RSPH10B: variants seen among roughly 807,000 people sequenced by gnomAD.
The protein encoded by RSPH10B is radial spoke head 10 homolog B (Chlamydomonas).
Under a neutral mutation model 52.5 loss-of-function variants are expected in RSPH10B, and 7 were observed. The observed-to-expected ratio is 0.13, with a 90% CI of 0.08 to 0.25. The LOEUF (loss-of-function observed/expected upper bound fraction) is 0.25. Among genes scored for constraint, RSPH10B ranks in the 10% least tolerant of loss-of-function variants. RSPH10B has a pLI of 1.00. For synonymous variants in RSPH10B, 28 were observed against 193.2 expected (o/e 0.14, Z 7.09); for missense variants, 89 against 542.5 (o/e 0.16, Z 8.30).
In RSPH10B at chr7:5,933,661, G is replaced by C. The variant is rs570531282; in HGVS notation, c.2140-786C>G. On this transcript the variant is annotated intron_variant, in intron 16 of 18. Coordinates refer to ENST00000337579, the Ensembl canonical transcript of RSPH10B. ...TGTAGTCCTAGCTACTCAGGAGGCT[G>C]AGGCAGGAGAATGGCGTGAACCCGG... 9.1e-4 allele frequency among the ~76,000 whole-genome samples: 123 copies of C among 134,514 alleles called. 1 individual carries two copies. The highest frequency in any genetic ancestry group is 1.6e-3 in the Admixed American group (22 of 13,366). The allele number at this position is 134,514 out of a possible 152,430, so 88.2% of individuals were successfully genotyped here. A position where few individuals can be genotyped will look rare whatever the true frequency, so the allele number is the denominator to read the frequency against.
At chr7:5,928,260 C>T (rs775984129) in exon 18 of RSPH10B, 1 of 1,613,308 alleles carries the variant, frequency 6.2e-7, no homozygotes, top group Non-Finnish European at 8.5e-7. Flanking sequence ...CGTAACCTGT[C>T]TGCCCTTATT....
rs1012996637 is a variant in RSPH10B at position 5,927,940 on chromosome 7, A to C, written c.2432+256T>G. The C allele has an allele frequency of 3.1e-4, 248 of 792,742 alleles. 1 individual carries two copies. The highest frequency in any genetic ancestry group is 4.5e-4 in the Non-Finnish European group (229 of 511,860). The allele number at this position is 792,742 out of a possible 1,614,324, so 49.1% of individuals were successfully genotyped here. On this transcript the variant is annotated intron_variant, in intron 18 of 18. Coordinates refer to ENST00000337579, the Ensembl canonical transcript of RSPH10B. ...GACAGTGAGACCCTGTCTAAAAACAAAAAATAAAACTAGAAACTAAGACCA... is the reference window on the plus strand; with the variant it reads ...GACAGTGAGACCCTGTCTAAAAACACAAAATAAAACTAGAAACTAAGACCA...
At chr7:5,937,654 C>T (rs1779992811) in intron 15 of RSPH10B, 104 bp downstream of exon 17, 1 of 848,036 alleles carries the variant, frequency 1.2e-6, no homozygotes, top group Non-Finnish European at 1.9e-6. Flanking sequence ...GATCCGCCCG[C>T]CTCGGCTTCC....
intron 17 of RSPH10B, among the ~76,000 whole-genome samples, chr7:5,931,928 G>A (rs1395632488): frequency 3.3e-5 from 5 of 151,394 alleles, no homozygotes; most frequent in Non-Finnish European, 7.4e-5. Flanking sequence ...GGCAGAGGTT[G>A]CAGTGAGCTA....
intron 11 of RSPH10B, among the ~76,000 whole-genome samples, chr7:5,944,482 T>C (rs1780387217): frequency 6.7e-6 from 1 of 149,828 alleles, no homozygotes; most frequent in Non-Finnish European, 1.5e-5. Context: ...AATTCTGACA[T>C]AAGAAAGAAG....
At chr7:5,965,919 T>C (rs1422818427) in intron 1 of RSPH10B, among the ~76,000 whole-genome samples, 6 of 119,022 alleles carry the variant, frequency 5.0e-5, no homozygotes, top group Non-Finnish European at 1.1e-4. Context: ...CGGGGTTTTT[T>C]TGTTTGTTTT....
chr7:5,938,350 G>A (rs1325507254), intron 14 of RSPH10B, among the ~76,000 whole-genome samples: 3 of 118,624 alleles, frequency 2.5e-5, no homozygotes, highest in South Asian at 4.8e-4. Context: ...GGTGGATCAC[G>A]AGGTCAGGAG....
At chr7:5,927,021 ACG>A (rs1491242768) in intron 18 of RSPH10B, among the ~76,000 whole-genome samples, 2 of 68,878 alleles carry the variant, frequency 2.9e-5, no homozygotes, top group African/African-American at 1.3e-4. Flanking sequence ...TCCCAAAGTT[ACG>A]TGTGTGTGTG....
chr7:5,927,091 T>TGTGTGTGTGG, intron 18 of RSPH10B, among the ~76,000 whole-genome samples: 1 of 145,818 alleles, frequency 6.9e-6, no homozygotes, highest in Non-Finnish European at 1.5e-5. Flanking sequence ...TGTGTGTGTG[T>TGTGTGTGTGG]GTGTGTATTT....
Position 5,938,435 on chromosome 7 carries a change from G to C in RSPH10B, c.1866+287C>G, listed in dbSNP as rs1168766050. On this transcript the variant is annotated intron_variant, in intron 14 of 18. Coordinates refer to ENST00000337579, the Ensembl canonical transcript of RSPH10B. ...AATACAAAAAAAAAAAAAATTAGCCGGGCGTGGTGGCGGGCGCCTGTAGTC... is the reference window on the plus strand; with the variant it reads ...AATACAAAAAAAAAAAAAATTAGCCCGGCGTGGTGGCGGGCGCCTGTAGTC... Among the ~76,000 whole-genome samples the C allele has an allele frequency of 1.3e-3, 152 of 113,898 alleles. 5 individuals are homozygous for C. Among genetic ancestry groups the C allele is most frequent in the African/African-American group, 4.4e-3 (144 of 32,728 alleles). 74.7% of individuals were successfully genotyped at this position (113,898 alleles called of 152,430 possible).
At chr7:5,928,429 C>T (rs1351884400) in intron 17 of RSPH10B, 35 bp from the exon 20 acceptor site, 5 of 1,593,944 alleles carry the variant, frequency 3.1e-6, no homozygotes, top group Non-Finnish European at 3.4e-6. Context: ...AACATGAATA[C>T]AATCCTGCTG....
intron 6 of RSPH10B, among the ~76,000 whole-genome samples, chr7:5,956,659 C>T (rs1174398160): frequency 6.6e-6 from 1 of 150,630 alleles, no homozygotes; most frequent in Non-Finnish European, 1.5e-5. Flanking sequence ...GCCTCAACCT[C>T]CAAGACTCAA....
At chr7:5,928,714 C>T (rs1779662064) in intron 17 of RSPH10B, among the ~76,000 whole-genome samples, 1 of 149,912 alleles carries the variant, frequency 6.7e-6, no homozygotes, top group African/African-American at 2.5e-5. Context: ...TCACTGCAAC[C>T]TCCACCTCCT....
intron 17 of RSPH10B, among the ~76,000 whole-genome samples, chr7:5,929,359 C>A (rs1283012392): frequency 8.4e-6 from 1 of 119,740 alleles, no homozygotes; most frequent in Non-Finnish European, 1.7e-5. Context: ...ATTATAGAGA[C>A]AAGGTTTCGC....
intron 3 of RSPH10B, among the ~76,000 whole-genome samples, chr7:5,961,430 C>T (rs1160946056): frequency 7.4e-6 from 1 of 134,440 alleles, no homozygotes; most frequent in Non-Finnish European, 1.7e-5. Flanking sequence ...ACCTCTGCCT[C>T]CCAGGTTCAA....
intron 15 of RSPH10B, among the ~76,000 whole-genome samples, chr7:5,937,086 C>CAAAAAA (rs1246119855): frequency 1.6e-4 from 4 of 25,106 alleles, no homozygotes; most frequent in African/African-American, 4.2e-4. Flanking sequence ...AGCTCTGTCT[C>CAAAAAA]AAAAAAAAAA....
intron 15 of RSPH10B, among the ~76,000 whole-genome samples, chr7:5,937,104 A>AAAT (rs1201034676): frequency 6.0e-4 from 36 of 60,222 alleles, no homozygotes; most frequent in Middle Eastern, 0.012. Context: ...AAAAAAAAAA[A>AAAT]AGAATTAGCT....
intron 17 of RSPH10B, among the ~76,000 whole-genome samples, chr7:5,929,164 A>C (rs1409775509): frequency 6.9e-6 from 1 of 145,516 alleles, no homozygotes; most frequent in Non-Finnish European, 1.5e-5. Context: ...GGCATGTACC[A>C]CCACACGAGG....
chr7:5,929,514 T>C (rs1434397056), intron 17 of RSPH10B, among the ~76,000 whole-genome samples: 2 of 47,496 alleles, frequency 4.2e-5, no homozygotes, highest in Admixed American at 2.6e-4. Flanking sequence ...TATTCAGAGT[T>C]TGAAACCCCT....
Sources: gnomAD v4.1 joint callset for allele counts (sites outside exome capture counted in the v4.1 genomes callset) on GRCh38, gnomAD v4.1.1 for gene constraint, MANE v1.5 for transcripts, NCBI Gene and HGNC (gene_info 2026-07-23, HGNC 2026-07-21) for gene names.